The following PSIP1 variants were observed in gnomAD, a reference collection of about 807,000 sequenced individuals.
The protein encoded by PSIP1 is PC4 and SRSF1 interacting protein 1, also known as PC4 and SFRS1-interacting protein.
PSIP1 carries 19 observed loss-of-function variants against 74.7 expected under a neutral mutation model. That is an observed-to-expected ratio of 0.25 (90% CI 0.18 to 0.37). The LOEUF (loss-of-function observed/expected upper bound fraction) is 0.37. Among genes scored for constraint, PSIP1 ranks in the 10% least tolerant of loss-of-function variants. PSIP1 has a pLI of 1.00. For missense variants in PSIP1, 601 were observed against 614.3 expected, an observed-to-expected ratio of 0.98 and a Z score of 0.23; for synonymous variants, 222 against 195.3, an observed-to-expected ratio of 1.14 and a Z score of -1.14.
At chr9:15,483,561 A>T (rs1241817428) in intron 6 of PSIP1, among the ~76,000 whole-genome samples, 1 of 152,010 alleles carries the variant, frequency 6.6e-6, no homozygotes, top group Non-Finnish European at 1.5e-5. Flanking sequence ...TTAAATATTT[A>T]TTTTTTGTCT....
intron 6 of PSIP1, 137 bp from the exon 7 acceptor site, chr9:15,479,824 T>C (rs931881203): frequency 5.6e-5 from 28 of 500,046 alleles, no homozygotes; most frequent in Non-Finnish European, 8.9e-5. Flanking sequence ...TTTTGTTTTT[T>C]CAACAATCAA....
intron 4 of PSIP1, among the ~76,000 whole-genome samples, chr9:15,488,509 C>A (rs2036658403): frequency 6.6e-6 from 1 of 152,208 alleles, no homozygotes; most frequent in Non-Finnish European, 1.5e-5. Context: ...TCATAGCCCT[C>A]TGATCCTATT....
At chr9:15,482,415 T>C (rs761336570) in intron 6 of PSIP1, among the ~76,000 whole-genome samples, 2 of 152,134 alleles carry the variant, frequency 1.3e-5, no homozygotes, top group Non-Finnish European at 2.9e-5. Context: ...AATCTATTCT[T>C]CCCGACTTGT....
chr9:15,474,383 G>C lies in PSIP1; in HGVS notation c.630-146C>G, dbSNP rs567654180. 1.1e-5 allele frequency: 7 copies of C among 643,246 alleles called. No homozygotes were observed. The South Asian group carries it at 2.1e-4, about 19-fold the overall frequency. The allele number at this position is 643,246 out of a possible 1,614,324, so 39.8% of individuals were successfully genotyped here. ...ACTATCCAATCATAAAAGGAATTCT[G>C]TCACAGAACATCCTTTTGGTATAAA... On this transcript the variant is annotated intron_variant, in intron 8 of 15. Coordinates refer to ENST00000380733, the MANE Select transcript of PSIP1 (RefSeq NM_033222.5).
chr9:15,507,389 C>T (rs1368928214), intron 2 of PSIP1, among the ~76,000 whole-genome samples: 1 of 152,182 alleles, frequency 6.6e-6, no homozygotes, highest in Admixed American at 6.5e-5. Context: ...GTGGCTCACA[C>T]CTGTAATCCC....
intron 10 of PSIP1, chr9:15,471,252 A>G (rs749838095): frequency 3.7e-5 from 59 of 1,594,744 alleles, no homozygotes; most frequent in Non-Finnish European, 4.8e-5. Flanking sequence ...AATACAATAA[A>G]CTTTATTTTG....
intron 2 of PSIP1, among the ~76,000 whole-genome samples, chr9:15,509,188 G>C (rs933782176): frequency 6.6e-6 from 1 of 152,168 alleles, no homozygotes; most frequent in African/African-American, 2.4e-5. Context: ...CAGTAAATTA[G>C]TCGAAAATAA....
chr9:15,506,741 T>G, intron 2 of PSIP1, 104 bp from the exon 3 acceptor site: 1 of 884,008 alleles, frequency 1.1e-6, no homozygotes, highest in Non-Finnish European at 1.7e-6. Context: ...TGTTATAAAA[T>G]GGGCCAGTTC....
chr9:15,491,613 T>G (rs2036837029), intron 3 of PSIP1, among the ~76,000 whole-genome samples: 1 of 152,234 alleles, frequency 6.6e-6, no homozygotes, highest in East Asian at 1.9e-4. Flanking sequence ...ATAAGTCCAC[T>G]GTAAATCTAA....
rs372363481 is a variant in PSIP1 at position 15,473,904 on chromosome 9, C to CAA, written c.858+103_858+104dup. 2.1e-3 allele frequency: 1,349 copies of CAA among 653,626 alleles called. 25 individuals are homozygous for CAA. The African/African-American group carries it at 0.047, about 23-fold the overall frequency. 40.5% of individuals were successfully genotyped at this position (653,626 alleles called of 1,614,324 possible). A position where few individuals can be genotyped will look rare whatever the true frequency, so the allele number is the denominator to read the frequency against. Reference sequence around the variant, plus strand: ...CAACACAGCGAGACTCCATCTCAAACAAAAAAAAAACAAAAAAAAAAACAA... The same window carrying CAA: ...CAACACAGCGAGACTCCATCTCAAACAAAAAAAAAAAACAAAAAAAAAAACAA... On this transcript the variant is annotated intron_variant, in intron 9 of 15. Coordinates refer to ENST00000380733, the MANE Select transcript of PSIP1 (RefSeq NM_033222.5).
rs1227492366 is a variant in PSIP1, at chr9:15,492,724, T to C, written c.150-2600A>G. ...AGACTTCTACCTGGACATCCAGGCA[T>C]TTCCACATGTCTTCTGAAATCTAGG... On this transcript the variant is annotated intron_variant, in intron 3 of 15. Transcript: ENST00000380733. Among the ~76,000 whole-genome samples, 5 of 151,810 alleles carry C rather than the reference T, an allele frequency of 3.3e-5. No individual in the cohort carries two copies. In the South Asian group the frequency reaches 8.3e-4, roughly 25 times the overall value.
At chr9:15,500,812 A>G (rs1281873230) in intron 3 of PSIP1, among the ~76,000 whole-genome samples, 1 of 152,204 alleles carries the variant, frequency 6.6e-6, no homozygotes, top group African/African-American at 2.4e-5. Flanking sequence ...CTTTATTTAA[A>G]TTTCCTAGAC....
intron 4 of PSIP1, among the ~76,000 whole-genome samples, chr9:15,488,381 T>G (rs1414548656): frequency 6.6e-6 from 1 of 152,126 alleles, no homozygotes; most frequent in Non-Finnish European, 1.5e-5. Context: ...TCCACTTTGT[T>G]GCTACCTCGC....
chr9:15,471,420 A>G, intron 10 of PSIP1: 1 of 1,473,282 alleles, frequency 6.8e-7, no homozygotes, highest in South Asian at 1.3e-5. Context: ...AAATACATAA[A>G]GATAACTTTA....
At chr9:15,478,588 A>G in intron 7 of PSIP1, 36 bp from the exon 8 acceptor site, 1 of 1,331,612 alleles carries the variant, frequency 7.5e-7, no homozygotes, top group Non-Finnish European at 1.1e-6. Context: ...AGTAACTACT[A>G]GTTTCTATTT....
chr9:15,510,653 G>A (rs1010691017), intron 1 of PSIP1, among the ~76,000 whole-genome samples, 164 bp downstream of exon 1: 9 of 152,180 alleles, frequency 5.9e-5, no homozygotes, highest in Non-Finnish European at 1.2e-4. Flanking sequence ...TCCGAGAAGC[G>A]AGCGGCCCCC....
At chr9:15,484,867 C>T (rs1298112837) in intron 6 of PSIP1, among the ~76,000 whole-genome samples, 2 of 146,550 alleles carry the variant, frequency 1.4e-5, no homozygotes, top group African/African-American at 2.5e-5. Flanking sequence ...GAGCCAAGAT[C>T]GCACCACTTC....
At chr9:15,466,402 A>G (rs777720838) in intron 15 of PSIP1, among the ~76,000 whole-genome samples, 3 of 151,428 alleles carry the variant, frequency 2.0e-5, no homozygotes, top group Non-Finnish European at 4.4e-5. Context: ...CAACAACAAA[A>G]CTGTGATTCT....
intron 3 of PSIP1, among the ~76,000 whole-genome samples, chr9:15,504,653 C>T (rs556173006): frequency 3.3e-5 from 5 of 151,472 alleles, no homozygotes; most frequent in East Asian, 2.0e-4. Context: ...AGGAGAATGG[C>T]GTGAACCCAG....
Sources: gnomAD v4.1 joint callset for allele counts (sites outside exome capture counted in the v4.1 genomes callset) on GRCh38, gnomAD v4.1.1 for gene constraint, MANE v1.5 for transcripts, NCBI Gene and HGNC (gene_info 2026-07-23, HGNC 2026-07-21) for gene names.